The following ELL variants were observed in gnomAD, a reference collection of about 807,000 sequenced individuals.
The protein encoded by ELL is elongation factor for RNA polymerase II.
Under a neutral mutation model 64.0 loss-of-function variants are expected in ELL, and 18 were observed. The ratio of observed to expected loss-of-function variants is 0.28; its 90% CI spans 0.19 to 0.42. The LOEUF (loss-of-function observed/expected upper bound fraction) is 0.42. ELL is among the 10% of genes least tolerant of loss of function. The pLI, the probability that ELL is intolerant of heterozygous loss-of-function variation, is 1.00. For missense variants in ELL, 797 were observed against 870.4 expected, an observed-to-expected ratio of 0.92 and a Z score of 1.06; for synonymous variants, 399 against 376.2, an observed-to-expected ratio of 1.06 and a Z score of -0.70.
chr19:18,462,412 G>A (rs1309891468), intron 4 of ELL, among the ~76,000 whole-genome samples: 1 of 133,248 alleles, frequency 7.5e-6, no homozygotes, highest in Admixed American at 7.7e-5. Flanking sequence ...TTTGAGACAG[G>A]ATCCTGCTCT....
intron 1 of ELL, among the ~76,000 whole-genome samples, chr19:18,503,108 C>T (rs1975815374): frequency 6.6e-6 from 1 of 152,230 alleles, no homozygotes; most frequent in African/African-American, 2.4e-5. Context: ...AAACAGGAAC[C>T]TGGCTTAAAA....
chr19:18,467,993 C>T (rs1043360985), intron 2 of ELL, among the ~76,000 whole-genome samples: 2 of 147,518 alleles, frequency 1.4e-5, no homozygotes, highest in Non-Finnish European at 3.0e-5. Flanking sequence ...ACACAACCTC[C>T]CCCACACACA....
chr19:18,446,963 G>C (rs961134335), intron 8 of ELL, 149 bp from the exon 9 acceptor site: 1 of 910,916 alleles, frequency 1.1e-6, no homozygotes, highest in South Asian at 1.6e-5. Flanking sequence ...TGTGGCAGGT[G>C]CAAGGGCTGA....
intron 1 of ELL, among the ~76,000 whole-genome samples, chr19:18,516,858 C>T (rs1205843049): frequency 2.0e-5 from 3 of 152,080 alleles, no homozygotes; most frequent in African/African-American, 7.2e-5. Flanking sequence ...GAGAAGGATT[C>T]GGAGATGGGA....
At chr19:18,514,953 G>A (rs1365252829) in intron 1 of ELL, among the ~76,000 whole-genome samples, 2 of 152,194 alleles carry the variant, frequency 1.3e-5, no homozygotes, top group Non-Finnish European at 2.9e-5. Flanking sequence ...TCAGGCTGGC[G>A]GGTTCCTCCC....
chr19:18,451,531 C>A (rs1290938726), intron 7 of ELL, 21 bp downstream of exon 7: 1 of 1,471,522 alleles, frequency 6.8e-7, no homozygotes, highest in East Asian at 2.8e-5. Context: ...GGGACAGTCA[C>A]CCCAGGCATG....
rs554368355 is a variant in ELL at position 18,458,167 on chromosome 19, C to T, written c.869+38G>A. The T allele has an allele frequency of 3.7e-5, 60 of 1,600,344 alleles. No homozygotes were observed. In the East Asian group the frequency reaches 7.1e-4, roughly 19 times the overall value. ...TGGGTAAGCTCTGGCTGCCTTCATG[C>T]GGGTGGGGACATGCTGGGGGATGGG... On this transcript the variant is annotated intron_variant, in intron 6 of 11. Transcript: ENST00000262809.
chr19:18,479,179 G>A (rs937583493), intron 1 of ELL, among the ~76,000 whole-genome samples: 13 of 152,144 alleles, frequency 8.5e-5, no homozygotes, highest in Non-Finnish European at 1.6e-4. Flanking sequence ...CTGAGGGCGG[G>A]GACAGTCCCC....
At chr19:18,448,577 G>C (rs1242309865) in intron 8 of ELL, 1 of 152,306 alleles carries the variant, frequency 6.6e-6, no homozygotes, top group Non-Finnish European at 1.5e-5. Context: ...CAGCTGCGAA[G>C]GCCAAGCCCA....
intron 1 of ELL, among the ~76,000 whole-genome samples, chr19:18,478,545 G>C (rs1229955411): frequency 6.6e-6 from 1 of 152,198 alleles, no homozygotes; most frequent in African/African-American, 2.4e-5. Flanking sequence ...ATGAGGTATG[G>C]AACTGGGAGC....
At chr19:18,504,472 G>A (rs914497197) in intron 1 of ELL, among the ~76,000 whole-genome samples, 2 of 152,106 alleles carry the variant, frequency 1.3e-5, no homozygotes, top group African/African-American at 4.8e-5. Context: ...TCCCTGTCAC[G>A]TTCATCTCTG....
chr19:18,463,034 T>A (rs903144928), intron 4 of ELL, among the ~76,000 whole-genome samples: 2 of 152,202 alleles, frequency 1.3e-5, no homozygotes, highest in Admixed American at 1.3e-4. Context: ...TGCCCCGGCA[T>A]CCTTGGGAAC....
At chr19:18,505,381 C>T (rs1975861387) in intron 1 of ELL, among the ~76,000 whole-genome samples, 1 of 152,218 alleles carries the variant, frequency 6.6e-6, no homozygotes. Flanking sequence ...CGGGCAAGGG[C>T]ACCCGGCAAT....
rs1974387941 is a variant in ELL, at chr19:18,445,257, CCCT to C, written c.1713_1715del (p.Gly572del). 6.2e-7 allele frequency: 1 copy of C among 1,613,874 alleles called. No homozygotes were observed. ...TTTTTCGATATTCCTGCAAAATCTG[CCCT>C]CGAGTAGTCTAGAAGAAAAACAAAA... On this transcript the variant is annotated inframe_deletion, in exon 11 of 12. Coordinates refer to ENST00000262809, the MANE Select transcript of ELL (RefSeq NM_006532.4).
intron 4 of ELL, among the ~76,000 whole-genome samples, chr19:18,462,817 T>A (rs1974855683): frequency 6.6e-6 from 1 of 152,144 alleles, no homozygotes; most frequent in Non-Finnish European, 1.5e-5. Flanking sequence ...TTTTCTAAAG[T>A]CAGTAAAGAT....
intron 1 of ELL, among the ~76,000 whole-genome samples, chr19:18,511,856 A>C (rs1254940385): frequency 6.6e-6 from 1 of 151,036 alleles, no homozygotes; most frequent in Non-Finnish European, 1.5e-5. Context: ...CTGCCTCTAC[A>C]AATTAAAAAA....
At chr19:18,490,031 A>G (rs1276476324) in intron 1 of ELL, among the ~76,000 whole-genome samples, 2 of 152,188 alleles carry the variant, frequency 1.3e-5, no homozygotes, top group Non-Finnish European at 2.9e-5. Context: ...ACGCGGGGCC[A>G]GCCAGGCCAG....
At chr19:18,446,671 T>A (rs1370134310) in intron 9 of ELL, 77 bp downstream of exon 9, 1 of 1,572,082 alleles carries the variant, frequency 6.4e-7, no homozygotes, top group Middle Eastern at 1.7e-4. Flanking sequence ...CTACCTCTGA[T>A]AACCTGCAGT....
chr19:18,465,376 C>A (rs554404335), intron 4 of ELL, 36 bp downstream of exon 4: 14 of 1,551,674 alleles, frequency 9.0e-6, no homozygotes, highest in Non-Finnish European at 1.2e-5. Flanking sequence ...GGCAGCTGCC[C>A]GGCTGCCCTA....
Sources: gnomAD v4.1 joint callset for allele counts (sites outside exome capture counted in the v4.1 genomes callset) on GRCh38, gnomAD v4.1.1 for gene constraint, MANE v1.5 for transcripts, NCBI Gene and HGNC (gene_info 2026-07-23, HGNC 2026-07-21) for gene names.